TP53BP1: variants seen among roughly 807,000 people sequenced by gnomAD.
TP53BP1 encodes the protein TP53-binding protein 1.
A neutral mutation model predicts 200.8 loss-of-function variants in TP53BP1; 61 were observed. The ratio of observed to expected loss-of-function variants is 0.30; its 90% CI spans 0.25 to 0.38. The LOEUF (loss-of-function observed/expected upper bound fraction) is 0.38. TP53BP1 is among the 10% of genes least tolerant of loss of function. The pLI is 1.00. For missense variants in TP53BP1, 2,144 were observed against 2,371.9 expected, an observed-to-expected ratio of 0.90 and a Z score of 2.00; for synonymous variants, 822 against 844.3, an observed-to-expected ratio of 0.97 and a Z score of 0.46.
chr15:43,510,617 T>C (rs2079268455), upstream of TP53BP1: 1 of 247,688 alleles, frequency 4.0e-6, no homozygotes, highest in East Asian at 1.1e-4. Flanking sequence ...CTCCCCTCAG[T>C]TCGGGCGAGG....
At chr15:43,415,052 A>G (rs1175812956) in intron 23 of TP53BP1, among the ~76,000 whole-genome samples, 2 of 152,074 alleles carry the variant, frequency 1.3e-5, no homozygotes, top group East Asian at 3.9e-4. Context: ...CCTAAGCACA[A>G]GAGAGAGGGG....
chr15:43,444,390 C>T (rs2045995676), intron 14 of TP53BP1, among the ~76,000 whole-genome samples: 1 of 152,132 alleles, frequency 6.6e-6, no homozygotes, highest in South Asian at 2.1e-4. Flanking sequence ...TATAGAAGCG[C>T]ACCAACCACC....
At chr15:43,412,625 A>G (rs2045149537) in intron 24 of TP53BP1, 1 of 468,166 alleles carries the variant, frequency 2.1e-6, no homozygotes, top group Non-Finnish European at 4.4e-6. Flanking sequence ...CTGAGGAACC[A>G]GGCACCCCAC....
chr15:43,494,527 T>C (rs1444952114), upstream of TP53BP1, among the ~76,000 whole-genome samples: 1 of 152,224 alleles, frequency 6.6e-6, no homozygotes, highest in Non-Finnish European at 1.5e-5. Flanking sequence ...GTTTTATTAG[T>C]GGAGCTAAAA....
chr15:43,479,564 A>G lies in TP53BP1; in HGVS notation c.659-38T>C, dbSNP rs1043331782. On this transcript the variant is annotated intron_variant, in intron 6 of 27. Transcript: ENST00000382044. The stretch of plus-strand genomic sequence containing the variant: ...TAAAATGACAGGAAGGAGATAATTA[A>G]GTTTTCAAAATACTAGATACAGTCC... 1.1e-5 allele frequency: 17 copies of G among 1,588,762 alleles called. No homozygotes were observed. In the East Asian group the frequency reaches 3.8e-4, roughly 36 times the overall value.
At chr15:43,492,613 T>G (rs1489536892) in intron 1 of TP53BP1, 145 bp from the exon 2 acceptor site, 2 of 644,768 alleles carry the variant, frequency 3.1e-6, no homozygotes, top group Non-Finnish European at 5.3e-6. Context: ...ATATTTATAA[T>G]TGCTGCAAGC....
intron 12 of TP53BP1, 105 bp from the exon 13 acceptor site, chr15:43,447,590 A>G (rs1353099009): frequency 8.9e-7 from 1 of 1,121,492 alleles, no homozygotes; most frequent in Non-Finnish European, 1.2e-6. Flanking sequence ...AAATATTTCA[A>G]TCACTCTTTT....
In TP53BP1 at chr15:43,477,658, T is replaced by G; in HGVS notation, c.890A>C (p.Gln297Pro). 6.2e-7 allele frequency: 1 copy of G among 1,613,982 alleles called. No individual in the cohort carries two copies. The highest frequency in any genetic ancestry group is 8.5e-7 in the Non-Finnish European group (1 of 1,179,932). The change falls in exon 8 of 28, where the codon CAG becomes CCG. Residue 297 changes from glutamine to proline, a missense_variant. This residue lies in a region of TP53BP1 where 1,700 missense variants were observed against 1,710.3 expected (regional missense o/e 0.99). Coordinates refer to ENST00000382044, the MANE Select transcript of TP53BP1 (RefSeq NM_001141980.3). ...CAAAACCTCAGGCTCTGGTGACTTC[T>G]GAATCTGCAGTCCACTTTCCATAAG... ...QELMESGLQI[Q>P]KSPEPEVLST...
At chr15:43,462,847 AGAAGTTT>A (rs202009362) in intron 11 of TP53BP1, among the ~76,000 whole-genome samples, 2,284 of 152,296 alleles carry the variant, frequency 0.015, 34 homozygotes, top group Non-Finnish European at 0.02. Context: ...ACTTAAGGTC[AGAAGTTT>A]GAGAACAGCC....
At position 43,492,301 on chromosome 15, in the gene TP53BP1, T is replaced by C. The variant is rs778636542; in HGVS notation, c.175A>G (p.Lys59Glu). 1.9e-6 allele frequency: 3 copies of C among 1,613,860 alleles called. No homozygotes were observed. In the Admixed American group the frequency reaches 5.0e-5, roughly 27 times the overall value. Residue 59 changes from lysine (K) to glutamate (E), a missense_variant, in exon 2 of 28, where the codon AAA (lysine) becomes GAA (glutamate). This residue lies in a region of TP53BP1 where 1,700 missense variants were observed against 1,710.3 expected (regional missense o/e 0.99). Transcript: ENST00000382044. ...TCACTCACCAACACAGGATTTTCTT[T>C]GTGCGTCTGGAGATTAGGAAGGTGT... is the stretch of plus-strand genomic sequence containing the variant. ...SRHLPNLQTHKENPVLDVVSN... is the reference protein window; with the variant it reads ...SRHLPNLQTHEENPVLDVVSN...
intron 17 of TP53BP1, 64 bp downstream of exon 17, chr15:43,432,128 TAA>T: frequency 6.5e-7 from 1 of 1,550,014 alleles, no homozygotes; most frequent in Middle Eastern, 1.8e-4. Context: ...TGCCACAACT[TAA>T]ATTCTCTGAG....
At chr15:43,473,296 T>C (rs531874599) in intron 10 of TP53BP1, among the ~76,000 whole-genome samples, 2 of 152,298 alleles carry the variant, frequency 1.3e-5, no homozygotes, top group African/African-American at 4.8e-5. Context: ...GCTTTTATTC[T>C]CTTATCTAGC....
intron 12 of TP53BP1, among the ~76,000 whole-genome samples, chr15:43,453,118 C>A (rs2046210385): frequency 7.5e-6 from 1 of 134,102 alleles, no homozygotes; most frequent in Non-Finnish European, 1.5e-5. Context: ...GGCATGAACC[C>A]AAGAGGCGGA....
At chr15:43,443,766 C>G (rs969476004) in intron 14 of TP53BP1, among the ~76,000 whole-genome samples, 6 of 152,060 alleles carry the variant, frequency 3.9e-5, no homozygotes, top group Non-Finnish European at 5.9e-5. Flanking sequence ...AAAGGTCGTA[C>G]TGAAAAAAAT....
At chr15:43,477,925 TA>T (rs1454238222) in intron 7 of TP53BP1, among the ~76,000 whole-genome samples, 166 bp from the exon 8 acceptor site, 3 of 152,236 alleles carry the variant, frequency 2.0e-5, no homozygotes. Flanking sequence ...TTTATAGTGA[TA>T]AAAGTCCTCA....
In TP53BP1 at chr15:43,407,260, A is replaced by G; in HGVS notation, c.*123T>C. ...AACATTTATTTTATCATAAAAGTTC[A>G]GCAAATAAAACTATATACAAGATCC... On this transcript the variant is annotated 3_prime_UTR_variant, in exon 28 of 28. Transcript: ENST00000382044. 2.5e-6 allele frequency: 2 copies of G among 785,118 alleles called. No individual in the cohort carries two copies. Among genetic ancestry groups the G allele is most frequent in the East Asian group, 2.6e-5 (1 of 38,392 alleles). The allele number at this position is 785,118 out of a possible 1,614,324, so 48.6% of individuals were successfully genotyped here.
At position 43,406,646 on chromosome 15, in the gene TP53BP1, A is replaced by G. The variant is rs1258723987; in HGVS notation, c.*737T>C. On this transcript the variant is annotated 3_prime_UTR_variant, in exon 28 of 28. Transcript: ENST00000382044. ...TGCTTTAGAGAATGAGAAGCCATGC[A>G]GGGATCAGTGATGCCAGAGGAAGGG... is the stretch of plus-strand genomic sequence containing the variant. 2.2e-6 allele frequency: 1 copy of G among 455,950 alleles called. No individual in the cohort carries two copies. The highest frequency in any genetic ancestry group is 6.9e-5 in the East Asian group (1 of 14,398). The allele number at this position is 455,950 out of a possible 1,614,324, so 28.2% of individuals were successfully genotyped here.
At chr15:43,433,575 C>T (rs2045720010) in intron 16 of TP53BP1, among the ~76,000 whole-genome samples, 1 of 152,202 alleles carries the variant, frequency 6.6e-6, no homozygotes, top group Non-Finnish European at 1.5e-5. Context: ...GAACAGAAGA[C>T]TGAATGTTCT....
intron 23 of TP53BP1, 160 bp downstream of exon 23, chr15:43,415,434 A>G (rs1201885284): frequency 2.6e-6 from 2 of 755,550 alleles, no homozygotes; most frequent in Non-Finnish European, 4.6e-6. Flanking sequence ...GGAGGGATAC[A>G]GTGAGCTGTC....
Sources: gnomAD v4.1 joint callset for allele counts (sites outside exome capture counted in the v4.1 genomes callset) on GRCh38, gnomAD v4.1.1 for gene constraint, gnomAD v4.1.1 regional missense constraint, MANE v1.5 for transcripts, NCBI Gene and HGNC (gene_info 2026-07-23, HGNC 2026-07-21) for gene names.